NME8: variants seen among roughly 807,000 people sequenced by gnomAD.
NME8 encodes protein NME8.
A neutral mutation model predicts 82.3 loss-of-function variants in NME8; 72 were observed. The observed-to-expected ratio is 0.87, with a 90% CI of 0.72 to 1.06. NME8 has a LOEUF of 1.06. Ranked by LOEUF, NME8 falls within the 50% of genes least tolerant of loss-of-function variation. The pLI is 0.00. For missense variants in NME8, 712 were observed against 685.4 expected (o/e 1.04, Z -0.43); for synonymous variants, 267 against 228.5 (o/e 1.17, Z -1.52).
At chr7:37,882,643 G>GAAAGAAAGAAAGAAAAAGAA (rs796634405) in intron 12 of NME8, among the ~76,000 whole-genome samples, 2 of 49,472 alleles carry the variant, frequency 4.0e-5, no homozygotes, top group Non-Finnish European at 9.8e-5. Context: ...AAGAAAGAAA[G>GAAAGAAAGAAAGAAAAAGAA]AGAAAGAAAG....
chr7:37,885,136 T>G lies in NME8; in HGVS notation c.1140-9T>G, dbSNP rs765103564. 158 of 1,586,042 alleles carry G rather than the reference T, an allele frequency of 1.0e-4. No homozygotes were observed. Among genetic ancestry groups the G allele is most frequent in the Non-Finnish European group, 1.3e-4 (146 of 1,154,984 alleles). On this transcript the variant is annotated splice_polypyrimidine_tract_variant and intron_variant, in intron 13 of 17. Coordinates refer to ENST00000199447, the MANE Select transcript of NME8 (RefSeq NM_016616.5). ...CTTATTACCTCTTCTTTGTTTTCTT[T>G]TCTAATAGTGGTCCATCTCTAGCCC...
intron 15 of NME8, among the ~76,000 whole-genome samples, chr7:37,893,258 G>C (rs990093699): frequency 6.6e-6 from 1 of 152,084 alleles, no homozygotes. Context: ...TCCAAAAACT[G>C]CATTAGTCTT....
chr7:37,889,577 A>T (rs975862532), intron 15 of NME8, among the ~76,000 whole-genome samples: 1 of 151,952 alleles, frequency 6.6e-6, no homozygotes, highest in Non-Finnish European at 1.5e-5. Context: ...ATTGATAATT[A>T]ATTATTGAAA....
At chr7:37,850,207 A>G (rs1784418743) in intron 2 of NME8, 53 bp from the exon 3 acceptor site, 1 of 1,432,706 alleles carries the variant, frequency 7.0e-7, no homozygotes, top group African/African-American at 1.4e-5. Flanking sequence ...GCATAAAGAA[A>G]ATGTTATTTA....
rs138554282 is a variant in NME8 at position 37,895,646 on chromosome 7, C to T, written c.1544+1036C>T. Among the ~76,000 whole-genome samples the T allele has an allele frequency of 9.2e-3, 1,405 of 152,184 alleles. 68 individuals are homozygous for T. The highest frequency in any genetic ancestry group is 0.078 in the Admixed American group (1,183 of 15,260). On this transcript the variant is annotated intron_variant, in intron 16 of 17. Transcript: ENST00000199447. ...ATCAAAAATTTTCTATACAGTCATG[C>T]TTTGCAGTACAATATTTCAGTCAAT...
chr7:37,857,346 G>T lies in NME8; in HGVS notation c.270+1G>T. ...TGAACCTGTTTTTCTCTTTAGTGTT[G>T]TAAGTATATTTACTTTCTCAATTGC... On this transcript the variant is annotated splice_donor_variant, in intron 6 of 17. Coordinates refer to ENST00000199447, the MANE Select transcript of NME8 (RefSeq NM_016616.5). LOFTEE classifies it high-confidence loss of function. 6.3e-7 allele frequency: 1 copy of T among 1,593,628 alleles called. No individual in the cohort carries two copies. Among genetic ancestry groups the T allele is most frequent in the South Asian group, 1.1e-5 (1 of 90,468 alleles).
Position 37,864,303 on chromosome 7 carries a change from G to A in NME8, c.455-45G>A, listed in dbSNP as rs572103524. ...CCAGATCCTTCATTATCCAGACTTCGTGCCAAGAAAATGAAATTCTGTCTT... is the reference window on the plus strand; with the variant it reads ...CCAGATCCTTCATTATCCAGACTTCATGCCAAGAAAATGAAATTCTGTCTT... On this transcript the variant is annotated intron_variant, in intron 8 of 17. Transcript: ENST00000199447. 81 of 1,561,664 alleles carry A rather than the reference G, an allele frequency of 5.2e-5. No individual in the cohort carries two copies. In the South Asian group the frequency reaches 8.0e-4, roughly 15 times the overall value.
At chr7:37,900,071 A>G (rs1488808365) in intron 17 of NME8, among the ~76,000 whole-genome samples, 173 bp from the exon 18 acceptor site, 4 of 152,176 alleles carry the variant, frequency 2.6e-5, no homozygotes, top group Non-Finnish European at 4.4e-5. Context: ...TGCTCTGTAA[A>G]TGTTTGATGA....
rs187891666 is a variant in NME8, at chr7:37,857,989, G to A, written c.270+644G>A. 4.4e-3 allele frequency among the ~76,000 whole-genome samples: 667 copies of A among 152,170 alleles called. 3 individuals carry two copies. Among genetic ancestry groups the A allele is most frequent in the Non-Finnish European group, 4.7e-3 (317 of 68,002 alleles). On this transcript the variant is annotated intron_variant, in intron 6 of 17. Transcript: ENST00000199447. ...AGGTGGGAGGATTGCTTGAGGCCAG[G>A]AATTCAAGATCAACCTGGCCAACAT...
Position 37,850,699 on chromosome 7 carries a change from T to G in NME8, c.162T>G (p.Asn54Lys), listed in dbSNP as rs754089157. ...AMQPLFRKLK[N>K]ELNEDEILHF... ...AACCTTTATTCAGAAAATTGAAAAA[T>G]GAACTGAACGAAGACGAAATTCTGC... The change falls in exon 5 of 18, where the codon AAT becomes AAG. Residue 54 changes from asparagine to lysine, a missense_variant. By Grantham distance (94) the Asn-to-Lys change is moderately conservative. Coordinates refer to ENST00000199447, the MANE Select transcript of NME8 (RefSeq NM_016616.5). 30 of 1,613,670 alleles carry G rather than the reference T, an allele frequency of 1.9e-5. No individual in the cohort carries two copies. The South Asian group carries it at 3.1e-4, about 17-fold the overall frequency.
At chr7:37,862,237 G>C in intron 7 of NME8, 93 bp downstream of exon 7, 1 of 816,530 alleles carries the variant, frequency 1.2e-6, no homozygotes, top group Non-Finnish European at 2.2e-6. Context: ...TACCTCTAAA[G>C]GCTTTGAGTA....
At position 37,864,718 on chromosome 7, in the gene NME8, T is replaced by C. The variant is rs143361484; in HGVS notation, c.528+297T>C. Reference sequence around the variant, plus strand: ...CTGCTGATAAAGATGTATCTGAGACTGGGCAATTTACAAAAGAGAGAGGTT... The same window carrying C: ...CTGCTGATAAAGATGTATCTGAGACCGGGCAATTTACAAAAGAGAGAGGTT... On this transcript the variant is annotated intron_variant, in intron 9 of 17. Transcript: ENST00000199447. Among the ~76,000 whole-genome samples, 772 of 152,276 alleles carry C rather than the reference T, an allele frequency of 5.1e-3. 12 individuals carry two copies. The highest frequency in any genetic ancestry group is 0.018 in the African/African-American group (740 of 41,536).
chr7:37,894,644 A>C, intron 16 of NME8, 34 bp downstream of exon 16: 2 of 1,526,020 alleles, frequency 1.3e-6, no homozygotes, highest in Non-Finnish European at 1.8e-6. Flanking sequence ...TTGCATTATA[A>C]AAGTGGTAAA....
intron 11 of NME8, among the ~76,000 whole-genome samples, chr7:37,874,830 T>C (rs1784821278): frequency 6.6e-6 from 1 of 152,118 alleles, no homozygotes; most frequent in African/African-American, 2.4e-5. Context: ...GTGTGAAAAA[T>C]ATATACACAG....
At chr7:37,860,819 C>G (rs1784588272) in intron 6 of NME8, among the ~76,000 whole-genome samples, 1 of 152,194 alleles carries the variant, frequency 6.6e-6, no homozygotes, top group Non-Finnish European at 1.5e-5. Flanking sequence ...AAAACACAGT[C>G]CCCTTCTATT....
intron 12 of NME8, among the ~76,000 whole-genome samples, chr7:37,879,684 G>T (rs1264708156): frequency 1.3e-5 from 2 of 152,184 alleles, no homozygotes; most frequent in Admixed American, 6.6e-5. Flanking sequence ...TTGTGTGGAT[G>T]TCAGTTTTCA....
intron 11 of NME8, among the ~76,000 whole-genome samples, chr7:37,872,553 G>T (rs935647004): frequency 3.3e-5 from 5 of 152,164 alleles, no homozygotes; most frequent in Admixed American, 3.3e-4. Context: ...TTTCAAACTT[G>T]AATTATACAA....
chr7:37,875,626 GA>G (rs200383986), intron 11 of NME8, among the ~76,000 whole-genome samples: 87 of 140,934 alleles, frequency 6.2e-4, no homozygotes, highest in East Asian at 2.8e-3. Flanking sequence ...ATTCTGTTTA[GA>G]AAAAAAAAAG....
At chr7:37,888,468 C>T in intron 15 of NME8, 40 bp downstream of exon 15, 2 of 1,570,670 alleles carry the variant, frequency 1.3e-6, no homozygotes, top group Non-Finnish European at 1.7e-6. Context: ...TACATTTTCT[C>T]CAAATTTTGT....
Sources: gnomAD v4.1 joint callset for allele counts (sites outside exome capture counted in the v4.1 genomes callset) on GRCh38, gnomAD v4.1.1 for gene constraint, MANE v1.5 for transcripts, NCBI Gene and HGNC (gene_info 2026-07-23, HGNC 2026-07-21) for gene names.